The following ELMO1 variants were observed in gnomAD, a reference collection of about 807,000 sequenced individuals.
ELMO1 encodes the protein engulfment and cell motility 1.
ELMO1 carries 26 observed loss-of-function variants against 98.9 expected under a neutral mutation model. The ratio of observed to expected loss-of-function variants is 0.26; its 90% CI spans 0.19 to 0.36. ELMO1 has a LOEUF of 0.36. Ranked by LOEUF, ELMO1 falls within the 10% of genes least tolerant of loss-of-function variation. The probability of loss-of-function intolerance (pLI) is 1.00; values close to 1 mark genes in which losing one functional copy is unlikely to be tolerated. For synonymous variants in ELMO1, 346 were observed against 346.0 expected, an observed-to-expected ratio of 1.00 and a Z score of 0.00; for missense variants, 627 against 935.2, an observed-to-expected ratio of 0.67 and a Z score of 4.30.
intron 15 of ELMO1, among the ~76,000 whole-genome samples, chr7:37,017,494 T>C (rs76268808): frequency 2.6e-5 from 4 of 152,232 alleles, no homozygotes; most frequent in Non-Finnish European, 5.9e-5. Flanking sequence ...TCCCAAATAA[T>C]AGATAAGTGA....
chr7:37,361,517 T>A (rs1018022464), intron 1 of ELMO1, among the ~76,000 whole-genome samples: 6 of 152,120 alleles, frequency 3.9e-5, no homozygotes, highest in African/African-American at 1.2e-4. Context: ...ACAAAGACCA[T>A]CCCGCCTGTA....
At chr7:36,994,882 C>T (rs1346706750) in intron 16 of ELMO1, among the ~76,000 whole-genome samples, 1 of 152,216 alleles carries the variant, frequency 6.6e-6, no homozygotes, top group East Asian at 1.9e-4. Flanking sequence ...TGGGCACTAG[C>T]TGGGCTGGCA....
intron 19 of ELMO1, among the ~76,000 whole-genome samples, chr7:36,874,248 T>C (rs1803767380): frequency 6.6e-6 from 1 of 152,252 alleles, no homozygotes; most frequent in East Asian, 1.9e-4. Flanking sequence ...GAGATCATTG[T>C]TGGCTTTTAA....
chr7:37,410,867 A>G (rs1803968195), intron 1 of ELMO1, among the ~76,000 whole-genome samples: 1 of 152,206 alleles, frequency 6.6e-6, no homozygotes, highest in Non-Finnish European at 1.5e-5. Flanking sequence ...AAAGGATGCA[A>G]TTCATGAGCT....
intron 4 of ELMO1, among the ~76,000 whole-genome samples, chr7:37,292,319 C>CCAAAG: frequency 1.2e-5 from 1 of 83,612 alleles, no homozygotes; most frequent in East Asian, 2.7e-4. Flanking sequence ...TCCCAGCCTC[C>CCAAAG]TGCCTTGGCC....
At chr7:37,415,235 T>C (rs1049374424) in intron 1 of ELMO1, among the ~76,000 whole-genome samples, 1 of 152,264 alleles carries the variant, frequency 6.6e-6, no homozygotes, top group East Asian at 1.9e-4. Flanking sequence ...TTAGCATGCA[T>C]GTACTCCTGA....
intron 16 of ELMO1, among the ~76,000 whole-genome samples, chr7:36,954,203 A>C: frequency 6.6e-6 from 1 of 152,146 alleles, no homozygotes; most frequent in East Asian, 1.9e-4. Context: ...TCTTCACAGC[A>C]ATGCTGCAGC....
intron 16 of ELMO1, among the ~76,000 whole-genome samples, chr7:36,950,950 C>T (rs1468187221): frequency 6.6e-6 from 1 of 152,248 alleles, no homozygotes; most frequent in Non-Finnish European, 1.5e-5. Flanking sequence ...TACCCAGTTA[C>T]TGAAGCCAGA....
chr7:37,155,503 A>AAAAAAAAAAAAAAAAAAAAAAAAAT (rs61189239), intron 13 of ELMO1, among the ~76,000 whole-genome samples: 4 of 131,732 alleles, frequency 3.0e-5, no homozygotes, highest in Non-Finnish European at 4.8e-5. Context: ...AAAAAAAAAA[A>AAAAAAAAAAAAAAAAAAAAAAAAAT]AAAAAGCAGG....
intron 15 of ELMO1, among the ~76,000 whole-genome samples, chr7:37,082,637 G>A (rs1245314862): frequency 1.3e-5 from 2 of 152,044 alleles, no homozygotes; most frequent in African/African-American, 4.8e-5. Context: ...AGGCTGATAT[G>A]GGAGGATCAC....
chr7:37,175,193 T>C (rs1433170619), intron 13 of ELMO1, among the ~76,000 whole-genome samples: 1 of 151,906 alleles, frequency 6.6e-6, no homozygotes, highest in East Asian at 1.9e-4. Flanking sequence ...GAAAGAAAAA[T>C]AGGTTGGGTA....
intron 7 of ELMO1, among the ~76,000 whole-genome samples, chr7:37,233,450 C>T (rs575964020): frequency 3.3e-5 from 5 of 152,198 alleles, no homozygotes; most frequent in East Asian, 1.9e-4. Context: ...CACCAACTCT[C>T]GTTCTGGTGA....
chr7:37,063,330 T>C (rs1304590481), intron 15 of ELMO1, among the ~76,000 whole-genome samples: 2 of 152,200 alleles, frequency 1.3e-5, no homozygotes, highest in Non-Finnish European at 2.9e-5. Context: ...TAAATCCTGG[T>C]GAAAATTCAC....
At chr7:37,331,359 A>ATTTTTTTTTTTTTTTTTTTTTT (rs1313323233) in intron 2 of ELMO1, among the ~76,000 whole-genome samples, 3 of 81,438 alleles carry the variant, frequency 3.7e-5, no homozygotes, top group Non-Finnish European at 6.9e-5. Flanking sequence ...TTTTTTTGGA[A>ATTTTTTTTTTTTTTTTTTTTTT]TTTTAGTAGA....
At chr7:37,030,561 A>T (rs1047391368) in intron 15 of ELMO1, among the ~76,000 whole-genome samples, 1 of 152,154 alleles carries the variant, frequency 6.6e-6, no homozygotes. Context: ...GAGTGTGTAT[A>T]TACTCTTGTG....
chr7:37,109,928 T>G (rs1057071116), intron 14 of ELMO1, among the ~76,000 whole-genome samples: 3 of 152,214 alleles, frequency 2.0e-5, no homozygotes. Flanking sequence ...CCTCTGATGA[T>G]ATGAACTGAA....
intron 13 of ELMO1, among the ~76,000 whole-genome samples, chr7:37,133,612 T>C (rs1294543028): frequency 6.6e-6 from 1 of 152,194 alleles, no homozygotes; most frequent in African/African-American, 2.4e-5. Context: ...ACACCTCTGG[T>C]ATTTAATTTG....
At chr7:36,959,742 G>A (rs780300463) in intron 16 of ELMO1, among the ~76,000 whole-genome samples, 5 of 152,276 alleles carry the variant, frequency 3.3e-5, no homozygotes, top group African/African-American at 7.2e-5. Flanking sequence ...GTGCAGTGGC[G>A]TGATCTCGGC....
chr7:37,205,096 C>T (rs1792538916), intron 13 of ELMO1, among the ~76,000 whole-genome samples: 1 of 152,204 alleles, frequency 6.6e-6, no homozygotes, highest in South Asian at 2.1e-4. Flanking sequence ...CCTCTCATTA[C>T]CATTTAAGAG....
Sources: allele counts gnomAD v4.1 joint callset (sites outside exome capture counted in the v4.1 genomes callset), GRCh38; gene constraint gnomAD v4.1.1; transcripts MANE v1.5; gene names NCBI Gene and HGNC (gene_info 2026-07-23, HGNC 2026-07-21).